Variants in ACSS1 observed in about 807,000 individuals in gnomAD.
ACSS1 encodes the protein acyl-CoA synthetase short chain family member 1, also known as acetyl-coenzyme A synthetase 2-like, mitochondrial.
ACSS1 carries 42 observed loss-of-function variants against 75.3 expected under a neutral mutation model. The ratio of observed to expected loss-of-function variants is 0.56; its 90% CI spans 0.44 to 0.72. The LOEUF is 0.72. ACSS1 is among the 30% of genes least tolerant of loss of function. The pLI is 0.00. For synonymous variants in ACSS1, 380 were observed against 376.8 expected (o/e 1.01, Z -0.10); for missense variants, 782 against 935.7 (o/e 0.84, Z 2.14).
intron 2 of ACSS1, among the ~76,000 whole-genome samples, chr20:25,042,726 C>G (rs367959329): frequency 6.6e-6 from 1 of 152,090 alleles, no homozygotes; most frequent in Admixed American, 6.5e-5. Flanking sequence ...CGCTGAGTAC[C>G]GTCACCCCTG....
intron 2 of ACSS1, among the ~76,000 whole-genome samples, chr20:25,034,237 G>A (rs541233367): frequency 6.6e-6 from 1 of 152,162 alleles, no homozygotes; most frequent in Non-Finnish European, 1.5e-5. Flanking sequence ...ACCTCATGGG[G>A]CCACATCTCT....
intron 4 of ACSS1, 66 bp from the exon 5 acceptor site, chr20:25,023,158 C>G: frequency 6.5e-7 from 1 of 1,541,848 alleles, no homozygotes; most frequent in Non-Finnish European, 8.8e-7. Flanking sequence ...AGCACTCCCC[C>G]TCCGCAGCAG....
intron 6 of ACSS1, 121 bp downstream of exon 6, chr20:25,021,268 G>A: frequency 7.6e-7 from 1 of 1,317,414 alleles, no homozygotes. Context: ...AGGACCTGGA[G>A]AGCCACACCC....
chr20:25,035,052 G>T (rs930670845), intron 2 of ACSS1, among the ~76,000 whole-genome samples: 1 of 150,966 alleles, frequency 6.6e-6, no homozygotes, highest in Non-Finnish European at 1.5e-5. Flanking sequence ...CCGCCACCAC[G>T]CCTGGCTAAT....
At chr20:25,049,129 A>G (rs1198995906) in intron 1 of ACSS1, among the ~76,000 whole-genome samples, 16 of 152,364 alleles carry the variant, frequency 1.1e-4, no homozygotes, top group Non-Finnish European at 7.3e-5. Flanking sequence ...AAAAATTACT[A>G]ATACTAGTAA....
In ACSS1 at chr20:25,016,266, ACT is replaced by A. The variant is rs138962924; in HGVS notation, c.1247-1038_1247-1037del. ...CCACACTGTGGTCATGGTTCGGGTA[ACT>A]CTCGTAACTGGGAGGAGCCATAAGG... On this transcript the variant is annotated intron_variant, in intron 7 of 13. Transcript: ENST00000323482. Among the ~76,000 whole-genome samples the A allele has an allele frequency of 2.9e-3, 444 of 152,128 alleles. 2 individuals carry two copies. Among genetic ancestry groups the A allele is most frequent in the African/African-American group, 0.01 (426 of 41,488 alleles).
intron 2 of ACSS1, among the ~76,000 whole-genome samples, chr20:25,033,403 C>G (rs2088860037): frequency 6.6e-6 from 1 of 152,164 alleles, no homozygotes; most frequent in East Asian, 1.9e-4. Flanking sequence ...GCCATGTGAC[C>G]ATCTGAGAAA....
chr20:25,017,482 C>T (rs935554689), intron 7 of ACSS1, among the ~76,000 whole-genome samples: 8 of 152,232 alleles, frequency 5.3e-5, no homozygotes, highest in East Asian at 1.9e-4. Flanking sequence ...CATCACAAGA[C>T]GCCACGCTGC....
chr20:25,007,108 G>T lies in ACSS1; in HGVS notation c.*654C>A. 7.1e-7 allele frequency: 1 copy of T among 1,404,396 alleles called. No homozygotes were observed. The highest frequency in any genetic ancestry group is 2.9e-5 in the Admixed American group (1 of 34,318). The allele number at this position is 1,404,396 out of a possible 1,614,324, so 87.0% of individuals were successfully genotyped here. ...GAAACACTCACCAGGAAAAGATGCC[G>T]GAGGCTTGGAAGTTCTCAAGGGAAC... is the stretch of plus-strand genomic sequence containing the variant. On this transcript the variant is annotated 3_prime_UTR_variant, in exon 14 of 14. Transcript: ENST00000323482.
At position 25,058,081 on chromosome 20, in the gene ACSS1, G is replaced by A. The variant is rs2089271561; in HGVS notation, c.22C>T (p.Arg8Cys). ...CTGCCCAGCAGCCTCCCGACGCCGC[G>A]GCCCAGGGTGCGCGCCGCCATCTAG... MAARTLGRGVGRLLGSLR... is the reference protein window; with the variant it reads MAARTLGCGVGRLLGSLR... The change falls in exon 1 of 14, where the codon CGC becomes TGC. Residue 8 changes from arginine (R) to cysteine (C), a missense_variant. Physicochemically the swap from Arg to Cys is radical, Grantham distance 180. Around this residue, in one of 2 missense-constraint regions of ACSS1, gnomAD observed 377 missense variants for 383.1 expected, o/e 0.98. Transcript: ENST00000323482. The A allele has an allele frequency of 2.4e-6, 3 of 1,256,914 alleles. No individual in the cohort carries two copies. The highest frequency in any genetic ancestry group is 4.3e-5 in the Admixed American group (1 of 23,386). The allele number at this position is 1,256,914 out of a possible 1,614,324, so 77.9% of individuals were successfully genotyped here. A position where few individuals can be genotyped will look rare whatever the true frequency, so the allele number is the denominator to read the frequency against.
At chr20:25,024,522 G>T (rs1484745216) in intron 3 of ACSS1, among the ~76,000 whole-genome samples, 3 of 152,216 alleles carry the variant, frequency 2.0e-5, no homozygotes, top group Non-Finnish European at 4.4e-5. Flanking sequence ...CAGTCATTCT[G>T]CACCAAAGGC....
intron 2 of ACSS1, among the ~76,000 whole-genome samples, chr20:25,044,274 C>T (rs2089050324): frequency 6.6e-6 from 1 of 152,172 alleles, no homozygotes; most frequent in African/African-American, 2.4e-5. Context: ...CTCCACATGG[C>T]CACCCCCCAG....
In ACSS1 at chr20:25,030,882, T is replaced by C. The variant is rs2122685067; in HGVS notation, c.508A>G (p.Ile170Val). 5.0e-6 allele frequency: 8 copies of C among 1,614,214 alleles called. No individual in the cohort carries two copies. The highest frequency in any genetic ancestry group is 6.8e-6 in the Non-Finnish European group (8 of 1,180,040). ...GCCAATGGGGACACGGGCATGTAGA[T>C]GGCAACACGGTCCCCACGGTGGACT... ...HGVHRGDRVA[I>V]YMPVSPLAVA... The change falls in exon 3 of 14, where the codon ATC (isoleucine) becomes GTC (valine). Residue 170 changes from isoleucine (I) to valine (V), a missense_variant. Around this residue, in one of 2 missense-constraint regions of ACSS1, gnomAD observed 377 missense variants for 383.1 expected, o/e 0.98. Coordinates refer to ENST00000323482, the MANE Select transcript of ACSS1 (RefSeq NM_032501.4).
At chr20:25,052,284 C>T (rs1470997872) in intron 1 of ACSS1, among the ~76,000 whole-genome samples, 1 of 152,166 alleles carries the variant, frequency 6.6e-6, no homozygotes, top group African/African-American at 2.4e-5. Flanking sequence ...AAGAAAATTC[C>T]ATTTCTCAGC....
chr20:25,052,462 C>A (rs2089188331), intron 1 of ACSS1, among the ~76,000 whole-genome samples: 1 of 152,230 alleles, frequency 6.6e-6, no homozygotes, highest in Admixed American at 6.5e-5. Context: ...CTGGTGGTCC[C>A]CATTACAGGG....
At chr20:25,041,473 T>A (rs887883763) in intron 2 of ACSS1, among the ~76,000 whole-genome samples, 2 of 151,988 alleles carry the variant, frequency 1.3e-5, no homozygotes, top group Non-Finnish European at 2.9e-5. Flanking sequence ...GCCCACAGAC[T>A]CTCCATGGCA....
At chr20:25,046,585 T>C in intron 2 of ACSS1, 2 of 551,244 alleles carry the variant, frequency 3.6e-6, no homozygotes, top group Admixed American at 6.3e-5. Flanking sequence ...GGTGTCCAGT[T>C]AGCTCCTTAG....
At chr20:25,043,217 C>A (rs1389181676) in intron 2 of ACSS1, among the ~76,000 whole-genome samples, 2 of 152,228 alleles carry the variant, frequency 1.3e-5, no homozygotes, top group Non-Finnish European at 2.9e-5. Flanking sequence ...ACTCAACCCT[C>A]CACAAAGCCT....
intron 5 of ACSS1, 59 bp from the exon 6 acceptor site, chr20:25,021,595 C>G: frequency 6.3e-7 from 1 of 1,583,784 alleles, no homozygotes. Context: ...ATGTTCACAC[C>G]AGGTCACTAG....
Sources: gnomAD v4.1 joint callset for allele counts (sites outside exome capture counted in the v4.1 genomes callset) on GRCh38, gnomAD v4.1.1 for gene constraint, gnomAD v4.1.1 regional missense constraint, MANE v1.5 for transcripts, NCBI Gene and HGNC (gene_info 2026-07-23, HGNC 2026-07-21) for gene names.